PKP4: variants seen among roughly 807,000 people sequenced by gnomAD.
The protein encoded by PKP4 is plakophilin-4.
Under a neutral mutation model 145.1 loss-of-function variants are expected in PKP4, and 90 were observed. The observed-to-expected ratio is 0.62, with a 90% CI of 0.52 to 0.74. The LOEUF (loss-of-function observed/expected upper bound fraction) is 0.74, where lower values mean the gene tolerates loss of function less well. PKP4 is among the 30% of genes least tolerant of loss of function. PKP4 has a pLI of 0.00. For synonymous variants in PKP4, 563 were observed against 577.2 expected (o/e 0.98, Z 0.35); for missense variants, 1,340 against 1,482.7 (o/e 0.90, Z 1.58).
At chr2:158,507,222 A>T (rs975514139) in intron 1 of PKP4, among the ~76,000 whole-genome samples, 2 of 152,104 alleles carry the variant, frequency 1.3e-5, no homozygotes, top group African/African-American at 4.8e-5. Flanking sequence ...TACATACTGA[A>T]TCAAGGTACA....
At chr2:158,519,952 A>G (rs755207059) in intron 1 of PKP4, among the ~76,000 whole-genome samples, 14 of 151,964 alleles carry the variant, frequency 9.2e-5, no homozygotes, top group South Asian at 2.1e-4. Context: ...CCTAGCATCT[A>G]TGGTGCTATA....
intron 10 of PKP4, among the ~76,000 whole-genome samples, chr2:158,641,969 G>A (rs901627716): frequency 1.3e-5 from 2 of 151,858 alleles, no homozygotes; most frequent in Admixed American, 1.3e-4. Flanking sequence ...TTTTTTTGAA[G>A]CCATGAACCC....
chr2:158,462,184 A>G (rs1046550264), intron 1 of PKP4, among the ~76,000 whole-genome samples: 7 of 152,236 alleles, frequency 4.6e-5, no homozygotes, highest in African/African-American at 1.2e-4. Flanking sequence ...AATTGCAAGC[A>G]TGAGGGAAGT....
chr2:158,672,849 A>C (rs1394599286), intron 17 of PKP4, among the ~76,000 whole-genome samples: 1 of 25,488 alleles, frequency 3.9e-5, no homozygotes, highest in African/African-American at 2.6e-4. Flanking sequence ...TTGGGAAGAT[A>C]ACGGAGTAGA....
intron 1 of PKP4, among the ~76,000 whole-genome samples, chr2:158,532,509 A>G (rs10201466): frequency 1 from 151,915 of 152,352 alleles, 75,739 homozygotes; most frequent in Middle Eastern, 1. Flanking sequence ...AACATTTTAC[A>G]CTAATCATCG....
At position 158,616,196 on chromosome 2, in the gene PKP4, AAAC is replaced by A. The variant is rs1221893042; in HGVS notation, c.281-4790_281-4788del. On this transcript the variant is annotated intron_variant, in intron 4 of 21. Coordinates refer to ENST00000389759, the MANE Select transcript of PKP4 (RefSeq NM_003628.6). Reference sequence around the variant, plus strand: ...CCCTGAAACAACATTTCTCACTCTGAAACAACGTTTCCCAGTGACCTCATTCCC... The same window carrying A: ...CCCTGAAACAACATTTCTCACTCTGAAACGTTTCCCAGTGACCTCATTCCC... Among the ~76,000 whole-genome samples the A allele has an allele frequency of 6.6e-5, 10 of 152,322 alleles. No homozygotes were observed. The East Asian group carries it at 1.4e-3, about 21-fold the overall frequency.
chr2:158,475,789 C>A (rs1262316469), intron 1 of PKP4, among the ~76,000 whole-genome samples: 1 of 152,160 alleles, frequency 6.6e-6, no homozygotes, highest in Non-Finnish European at 1.5e-5. Context: ...GACTTCCCTG[C>A]CCTATCTCCC....
At chr2:158,624,177 G>GTAA (rs1393190307) in intron 6 of PKP4, among the ~76,000 whole-genome samples, 2 of 152,124 alleles carry the variant, frequency 1.3e-5, no homozygotes, top group East Asian at 3.9e-4. Flanking sequence ...ATCAGAAGAG[G>GTAA]TAAAAAGAAA....
chr2:158,487,798 G>T (rs1694384573), intron 1 of PKP4, among the ~76,000 whole-genome samples: 1 of 151,816 alleles, frequency 6.6e-6, no homozygotes, highest in African/African-American at 2.4e-5. Context: ...AGAGAGAAGA[G>T]AGAGAAGGGG....
Position 158,623,973 on chromosome 2 carries a change from G to C in PKP4, c.604-905G>C, listed in dbSNP as rs80022518. 8.4e-3 allele frequency among the ~76,000 whole-genome samples: 1,273 copies of C among 152,270 alleles called. 22 individuals carry two copies. Among genetic ancestry groups the C allele is most frequent in the African/African-American group, 0.029 (1,215 of 41,538 alleles). ...TGAAAAACAGTGTCCAGCACCTGCT[G>C]TAACTGCAGGAATCAACAGATTCAG... On this transcript the variant is annotated intron_variant, in intron 6 of 21. Transcript: ENST00000389759.
At chr2:158,678,421 T>C (rs2058202789) in intron 20 of PKP4, among the ~76,000 whole-genome samples, 160 bp from the exon 21 acceptor site, 1 of 129,666 alleles carries the variant, frequency 7.7e-6, no homozygotes. Context: ...CCAGGCCAGA[T>C]CCAGGGACCC....
Position 158,658,155 on chromosome 2 carries a change from G to A in PKP4, c.1934G>A (p.Cys645Tyr), listed in dbSNP as rs777901856. Reference sequence around the variant, plus strand: ...GGAGTTCTTTGGAATTTATCCTCATGTGATGCTGTAAAAATGACAATCATT... The same window carrying A: ...GGAGTTCTTTGGAATTTATCCTCATATGATGCTGTAAAAATGACAATCATT... Reference protein sequence around the residue: ...VTGVLWNLSSCDAVKMTIIRD... With the variant: ...VTGVLWNLSSYDAVKMTIIRD... The change falls in exon 12 of 22, where the codon TGT becomes TAT. Residue 645 changes from cysteine to tyrosine, a missense_variant. Cys to Tyr is a radical substitution (Grantham distance 194). Coordinates refer to ENST00000389759, the MANE Select transcript of PKP4 (RefSeq NM_003628.6). 14 of 1,602,278 alleles carry A rather than the reference G, an allele frequency of 8.7e-6. No homozygotes were observed. The East Asian group carries it at 2.0e-4, about 23-fold the overall frequency.
intron 2 of PKP4, chr2:158,549,068 C>T (rs142017695): frequency 3.3e-4 from 60 of 183,080 alleles, no homozygotes; most frequent in Non-Finnish European, 5.5e-4. Context: ...AAAGGAGCTT[C>T]GGTTAGCTGG....
chr2:158,649,012 A>G (rs1254217220), intron 11 of PKP4, among the ~76,000 whole-genome samples: 1 of 152,206 alleles, frequency 6.6e-6, no homozygotes, highest in Non-Finnish European at 1.5e-5. Flanking sequence ...AAATGAAACA[A>G]TCACAACAGA....
intron 6 of PKP4, among the ~76,000 whole-genome samples, 198 bp downstream of exon 6, chr2:158,621,619 G>A (rs1048021163): frequency 2.0e-5 from 3 of 151,960 alleles, no homozygotes; most frequent in African/African-American, 4.8e-5. Flanking sequence ...GGTGGCGGGC[G>A]CCTGTAATCT....
Position 158,540,845 on chromosome 2 carries a change from T to C in PKP4, c.132+7529T>C, listed in dbSNP as rs926576955. Among the ~76,000 whole-genome samples, 54 of 152,320 alleles carry C rather than the reference T, an allele frequency of 3.5e-4. 1 individual carries two copies. The highest frequency in any genetic ancestry group is 1.2e-3 in the African/African-American group (50 of 41,586). ...TTGTTTCGTTTACATTTGAAAATGA[T>C]AGAATATTTTTCTTTGTTAACACTT... On this transcript the variant is annotated intron_variant, in intron 2 of 21. Coordinates refer to ENST00000389759, the MANE Select transcript of PKP4 (RefSeq NM_003628.6).
chr2:158,625,278 C>T lies in PKP4; in HGVS notation c.1004C>T (p.Ser335Leu), dbSNP rs1187326464. Residue 335 changes from serine (S) to leucine (L), a missense_variant, in exon 7 of 22, where the codon TCG becomes TTG. By Grantham distance (145) the Ser-to-Leu change is moderately radical. Coordinates refer to ENST00000389759, the MANE Select transcript of PKP4 (RefSeq NM_003628.6). ...TCCCCATCCCAAGGCCAGGTGGGGTCGTCGTCCCCCAAACGCTCAGGGATG... is the reference window on the plus strand; with the variant it reads ...TCCCCATCCCAAGGCCAGGTGGGGTTGTCGTCCCCCAAACGCTCAGGGATG... The part of the protein sequence containing the change: ...VASPSQGQVG[S>L]SSPKRSGMTA... 21 of 1,614,182 alleles carry T rather than the reference C, an allele frequency of 1.3e-5. No individual in the cohort carries two copies. Among genetic ancestry groups the T allele is most frequent in the African/African-American group, 2.7e-5 (2 of 75,046 alleles).
chr2:158,538,795 GCCT>G (rs1158389231), intron 2 of PKP4, among the ~76,000 whole-genome samples: 1 of 152,048 alleles, frequency 6.6e-6, no homozygotes, highest in African/African-American at 2.4e-5. Flanking sequence ...GCCCACCTTG[GCCT>G]CCCAAAGTGC....
At chr2:158,587,318 G>A (rs2048885336) in intron 3 of PKP4, among the ~76,000 whole-genome samples, 1 of 151,884 alleles carries the variant, frequency 6.6e-6, no homozygotes, top group African/African-American at 2.4e-5. Flanking sequence ...AGTTAAAACA[G>A]TATTTCATTT....
Sources: gnomAD v4.1 joint callset for allele counts (sites outside exome capture counted in the v4.1 genomes callset) on GRCh38, gnomAD v4.1.1 for gene constraint, MANE v1.5 for transcripts, NCBI Gene and HGNC (gene_info 2026-07-23, HGNC 2026-07-21) for gene names.